The following RNLS variants were observed in gnomAD, a reference collection of about 807,000 sequenced individuals.
The protein encoded by RNLS is renalase.
A neutral mutation model predicts 39.8 loss-of-function variants in RNLS; 39 were observed. The ratio of observed to expected loss-of-function variants is 0.98; its 90% CI spans 0.76 to 1.28. RNLS has a LOEUF of 1.28. Ranked by LOEUF, RNLS falls within the 50% of genes most tolerant of loss-of-function variation. RNLS has a pLI of 0.00. For synonymous variants in RNLS, 147 were observed against 150.7 expected (o/e 0.98, Z 0.18); for missense variants, 410 against 413.3 (o/e 0.99, Z 0.07).
intron 6 of RNLS, among the ~76,000 whole-genome samples, chr10:88,306,695 C>T (rs935117195): frequency 6.6e-6 from 1 of 152,124 alleles, no homozygotes; most frequent in East Asian, 1.9e-4. Context: ...AAGTAGCCTA[C>T]GAACCAAAAA....
intron 4 of RNLS, among the ~76,000 whole-genome samples, chr10:88,497,940 A>G (rs2134093577): frequency 2.0e-5 from 1 of 49,466 alleles, no homozygotes; most frequent in East Asian, 6.8e-3. Flanking sequence ...AGGTTATTGA[A>G]GAGAAAAAAA....
At chr10:88,377,815 CTTCAA>C (rs963626307) in intron 4 of RNLS, among the ~76,000 whole-genome samples, 1 of 152,046 alleles carries the variant, frequency 6.6e-6, no homozygotes, top group African/African-American at 2.4e-5. Flanking sequence ...AACAAATTTT[CTTCAA>C]TAATAAATTA....
intron 5 of RNLS, among the ~76,000 whole-genome samples, chr10:88,325,830 G>C (rs1480530861): frequency 1.3e-5 from 2 of 152,150 alleles, no homozygotes; most frequent in East Asian, 3.9e-4. Flanking sequence ...GAGAGAACTG[G>C]TGTGAGGTGA....
At position 88,284,269 on chromosome 10, in the gene RNLS, G is replaced by A. The variant is rs1214999296; in HGVS notation, c.*1085C>T. ...GTGTGAAACTTTAAACACTATTACA[G>A]TAAGAAGTCTTTTGTTGAACTTTTG... On this transcript the variant is annotated 3_prime_UTR_variant, in exon 7 of 7. Coordinates refer to ENST00000331772, the MANE Select transcript of RNLS (RefSeq NM_001031709.3). 1 of 985,246 alleles carries A rather than the reference G, an allele frequency of 1.0e-6. No homozygotes were observed. The highest frequency in any genetic ancestry group is 6.2e-5 in the Admixed American group (1 of 16,242). 61.0% of individuals were successfully genotyped at this position (985,246 alleles called of 1,614,324 possible). A position where few individuals can be genotyped will look rare whatever the true frequency, so the allele number is the denominator to read the frequency against.
chr10:88,571,381 T>G (rs1461486263), intron 4 of RNLS, among the ~76,000 whole-genome samples: 2 of 152,154 alleles, frequency 1.3e-5, no homozygotes, highest in African/African-American at 4.8e-5. Flanking sequence ...ACTGTGGTAA[T>G]GGTTTTAAGA....
the RNLS span, among the ~76,000 whole-genome samples, chr10:88,233,374 C>T: frequency 6.6e-6 from 1 of 152,208 alleles, no homozygotes; most frequent in Non-Finnish European, 1.5e-5. Flanking sequence ...TTTTCTATGA[C>T]ATTGAGCTCA....
the RNLS span, among the ~76,000 whole-genome samples, chr10:88,268,487 G>A: frequency 3.3e-5 from 5 of 152,184 alleles, no homozygotes; most frequent in Admixed American, 6.5e-5. Context: ...CTGTGGGGGG[G>A]TTGATTCCAT....
At chr10:88,398,464 T>C (rs769371312) in intron 4 of RNLS, among the ~76,000 whole-genome samples, 1 of 151,956 alleles carries the variant, frequency 6.6e-6, no homozygotes, top group African/African-American at 2.4e-5. Context: ...GATTAGCATT[T>C]GAAAGAAATC....
chr10:88,186,245 T>G, the RNLS span, among the ~76,000 whole-genome samples: 4 of 152,154 alleles, frequency 2.6e-5, no homozygotes, highest in Admixed American at 2.0e-4. Context: ...TGGAAGAAGC[T>G]ACGTTAGAAG....
chr10:88,530,728 G>T (rs1847374351), intron 4 of RNLS, among the ~76,000 whole-genome samples: 1 of 151,946 alleles, frequency 6.6e-6, no homozygotes, highest in African/African-American at 2.4e-5. Context: ...AATTCTCATA[G>T]TGACTGTATG....
At chr10:88,227,659 A>G in the RNLS span, among the ~76,000 whole-genome samples, 1 of 152,222 alleles carries the variant, frequency 6.6e-6, no homozygotes, top group African/African-American at 2.4e-5. Flanking sequence ...TTGGGAAAAG[A>G]AGAGTTTTAA....
chr10:88,480,180 T>C (rs1207309676), intron 4 of RNLS, among the ~76,000 whole-genome samples: 1 of 152,246 alleles, frequency 6.6e-6, no homozygotes, highest in African/African-American at 2.4e-5. Context: ...AAATGTCACC[T>C]CATACAGGAC....
intron 4 of RNLS, among the ~76,000 whole-genome samples, chr10:88,421,735 C>T (rs967921465): frequency 6.6e-6 from 1 of 152,174 alleles, no homozygotes; most frequent in African/African-American, 2.4e-5. Flanking sequence ...AATTTTATAT[C>T]ATGGCATTTA....
chr10:88,410,520 G>A (rs911392609), intron 4 of RNLS, among the ~76,000 whole-genome samples: 1 of 152,024 alleles, frequency 6.6e-6, no homozygotes, highest in Non-Finnish European at 1.5e-5. Flanking sequence ...TCAGTTCCAG[G>A]GAATCACAAA....
At chr10:88,185,072 T>G in the RNLS span, among the ~76,000 whole-genome samples, 1 of 152,126 alleles carries the variant, frequency 6.6e-6, no homozygotes, top group South Asian at 2.1e-4. Flanking sequence ...AGAAATATAG[T>G]CACTGAGGCC....
chr10:88,376,148 C>A (rs1410457357), intron 4 of RNLS, among the ~76,000 whole-genome samples: 1 of 152,066 alleles, frequency 6.6e-6, no homozygotes, highest in Admixed American at 6.6e-5. Flanking sequence ...GGAGGGGATT[C>A]ATGACAATTT....
intron 4 of RNLS, among the ~76,000 whole-genome samples, chr10:88,385,980 T>G (rs1016823225): frequency 6.6e-6 from 1 of 152,216 alleles, no homozygotes; most frequent in Non-Finnish European, 1.5e-5. Flanking sequence ...TTGCACAAAG[T>G]CCGACAGAGA....
At chr10:88,324,344 A>G (rs1846412992) in intron 5 of RNLS, among the ~76,000 whole-genome samples, 1 of 151,710 alleles carries the variant, frequency 6.6e-6, no homozygotes, top group Non-Finnish European at 1.5e-5. Context: ...AGTGTCCATC[A>G]ATTGTGAACT....
chr10:88,313,171 A>G (rs1385271270), intron 6 of RNLS, among the ~76,000 whole-genome samples: 1 of 152,212 alleles, frequency 6.6e-6, no homozygotes, highest in Non-Finnish European at 1.5e-5. Flanking sequence ...ATTTTTATTA[A>G]CACATCAAAT....
Sources: gnomAD v4.1 joint callset for allele counts (sites outside exome capture counted in the v4.1 genomes callset) on GRCh38, gnomAD v4.1.1 for gene constraint, MANE v1.5 for transcripts, NCBI Gene and HGNC (gene_info 2026-07-23, HGNC 2026-07-21) for gene names.